Variants in ENTREP2 observed in about 807,000 individuals in gnomAD.
The protein encoded by ENTREP2 is protein ENTREP2.
the ENTREP2 span, among the ~76,000 whole-genome samples, chr15:29,293,447 A>G: frequency 1.7e-3 from 254 of 151,134 alleles, no homozygotes; most frequent in Middle Eastern, 3.4e-3. Flanking sequence ...TAGTAGAGAC[A>G]GGGTTTCACC....
the ENTREP2 span, among the ~76,000 whole-genome samples, chr15:29,316,823 G>A: frequency 6.6e-6 from 1 of 152,176 alleles, no homozygotes; most frequent in African/African-American, 2.4e-5. Context: ...TTGGGAACCT[G>A]AATTCCTTCC....
At chr15:29,370,025 G>C in the ENTREP2 span, among the ~76,000 whole-genome samples, 2 of 150,008 alleles carry the variant, frequency 1.3e-5, no homozygotes, top group African/African-American at 5.0e-5. Context: ...AGAACCATGA[G>C]CTAAATAAAC....
the ENTREP2 span, among the ~76,000 whole-genome samples, chr15:29,334,174 T>C: frequency 6.6e-6 from 1 of 152,218 alleles, no homozygotes. Context: ...GCCTGTAATG[T>C]GAACTTCAGT....
the ENTREP2 span, among the ~76,000 whole-genome samples, chr15:29,536,603 C>CAAA: frequency 6.7e-5 from 5 of 74,212 alleles, no homozygotes; most frequent in African/African-American, 2.2e-4. Flanking sequence ...GACTCTGTCT[C>CAAA]AAAAAAAAAA....
chr15:29,196,493 G>A, the ENTREP2 span: 4 of 1,551,726 alleles, frequency 2.6e-6, no homozygotes, highest in Middle Eastern at 1.7e-4. Context: ...GCGTCTCCCC[G>A]AGGTTGCTGC....
At chr15:29,437,608 T>C in the ENTREP2 span, among the ~76,000 whole-genome samples, 1 of 152,220 alleles carries the variant, frequency 6.6e-6, no homozygotes, top group East Asian at 1.9e-4. Flanking sequence ...TGTACTTCTC[T>C]TGTCGATTGT....
At chr15:29,567,552 C>T in the ENTREP2 span, among the ~76,000 whole-genome samples, 1 of 152,156 alleles carries the variant, frequency 6.6e-6, no homozygotes, top group Non-Finnish European at 1.5e-5. Context: ...GTTTACTCAG[C>T]AGAAGCACCA....
At chr15:29,506,118 C>T in the ENTREP2 span, among the ~76,000 whole-genome samples, 1 of 151,976 alleles carries the variant, frequency 6.6e-6, no homozygotes, top group South Asian at 2.1e-4. Flanking sequence ...GAAGCATACA[C>T]AAGTATCAGT....
the ENTREP2 span, chr15:29,137,243 T>C: frequency 1.9e-5 from 27 of 1,424,344 alleles, no homozygotes; most frequent in Non-Finnish European, 2.5e-5. Flanking sequence ...CTTGTGTGGC[T>C]TGTGTCTCAT....
At chr15:29,140,028 G>C in the ENTREP2 span, among the ~76,000 whole-genome samples, 702 of 152,326 alleles carry the variant, frequency 4.6e-3, 4 homozygotes, top group African/African-American at 0.016. Context: ...GGGGCGAGGA[G>C]GGAGCTGCGG....
the ENTREP2 span, among the ~76,000 whole-genome samples, chr15:29,324,332 T>C: frequency 6.6e-6 from 1 of 152,196 alleles, no homozygotes; most frequent in South Asian, 2.1e-4. Context: ...TTGGCCTACC[T>C]TGGCCTCCCA....
At chr15:29,534,572 G>A in the ENTREP2 span, among the ~76,000 whole-genome samples, 5 of 152,212 alleles carry the variant, frequency 3.3e-5, no homozygotes, top group African/African-American at 9.6e-5. Flanking sequence ...TTTCAGCAAT[G>A]AAATGCCAAG....
the ENTREP2 span, among the ~76,000 whole-genome samples, chr15:29,632,269 T>A: frequency 6.6e-6 from 1 of 152,186 alleles, no homozygotes; most frequent in Non-Finnish European, 1.5e-5. Flanking sequence ...GATTATCCAT[T>A]AAATTATTTC....
the ENTREP2 span, among the ~76,000 whole-genome samples, chr15:29,207,145 C>G: frequency 1.3e-5 from 2 of 152,148 alleles, no homozygotes; most frequent in East Asian, 1.9e-4. Context: ...CCTTTTTGTT[C>G]CTGGAGAGAT....
chr15:29,624,192 T>A, the ENTREP2 span, among the ~76,000 whole-genome samples: 2 of 152,262 alleles, frequency 1.3e-5, no homozygotes, highest in Non-Finnish European at 2.9e-5. Flanking sequence ...TGATAGTTAT[T>A]CTACGATTCA....
At chr15:29,377,858 AT>A in the ENTREP2 span, among the ~76,000 whole-genome samples, 1 of 140,570 alleles carries the variant, frequency 7.1e-6, no homozygotes, top group South Asian at 2.3e-4. Context: ...AATAATAATA[AT>A]AATAAAAAAA....
chr15:29,373,999 G>A, the ENTREP2 span: 1 of 151,990 alleles, frequency 6.6e-6, no homozygotes, highest in Admixed American at 6.6e-5. Flanking sequence ...AAAAATGGAA[G>A]GCAAAACAGC....
chr15:29,530,512 G>A, the ENTREP2 span, among the ~76,000 whole-genome samples: 56 of 152,214 alleles, frequency 3.7e-4, no homozygotes, highest in African/African-American at 1.2e-3. Context: ...CTACCAGATC[G>A]ATCAAGCGAA....
chr15:29,613,211 A>G, the ENTREP2 span: 1 of 165,784 alleles, frequency 6.0e-6, no homozygotes, highest in Non-Finnish European at 1.3e-5. Context: ...GACCTGCAAT[A>G]AAAAGCGTTT....
Sources: gnomAD v4.1 joint callset for allele counts (sites outside exome capture counted in the v4.1 genomes callset) on GRCh38, gnomAD v4.1.1 for gene constraint, MANE v1.5 for transcripts, NCBI Gene and HGNC (gene_info 2026-07-23, HGNC 2026-07-21) for gene names.